Variants in KLHDC10 observed in about 807,000 individuals in gnomAD.
KLHDC10 encodes kelch domain-containing protein 10.
KLHDC10 carries 24 observed loss-of-function variants against 56.1 expected under a neutral mutation model. The observed-to-expected ratio is 0.43, with a 90% CI of 0.31 to 0.60. The LOEUF is 0.60. Ranked by LOEUF, KLHDC10 falls within the 20% of genes least tolerant of loss-of-function variation. The probability of loss-of-function intolerance (pLI) is 0.11; values close to 1 mark genes in which losing one functional copy is unlikely to be tolerated. For synonymous variants in KLHDC10, 188 were observed against 207.1 expected (o/e 0.91, Z 0.79); for missense variants, 349 against 567.0 (o/e 0.62, Z 3.91).
chr7:130,102,443 A>T (rs1173904789), intron 2 of KLHDC10, among the ~76,000 whole-genome samples: 1 of 152,216 alleles, frequency 6.6e-6, no homozygotes, highest in Non-Finnish European at 1.5e-5. Context: ...GAGATAATGA[A>T]CAAGTGGAGT....
Position 130,131,219 on chromosome 7 carries a change from G to C in KLHDC10, c.*473G>C, listed in dbSNP as rs1211932446. On this transcript the variant is annotated 3_prime_UTR_variant, in exon 10 of 10. Transcript: ENST00000335420. The stretch of plus-strand genomic sequence containing the variant: ...TGAGAAGGCTAACCTTGGGAATCTT[G>C]CAGGTTATACTTAAACCTAGATGTT... 1.2e-5 allele frequency: 2 copies of C among 160,646 alleles called. No homozygotes were observed. The highest frequency in any genetic ancestry group is 1.4e-5 in the Non-Finnish European group (1 of 72,244). The allele number at this position is 160,646 out of a possible 1,614,324, so 10.0% of individuals were successfully genotyped here.
chr7:130,095,095 C>G (rs1795830437), intron 1 of KLHDC10, among the ~76,000 whole-genome samples: 1 of 151,900 alleles, frequency 6.6e-6, no homozygotes, highest in Non-Finnish European at 1.5e-5. Flanking sequence ...TTTAATGTAT[C>G]CTTTGACAGT....
At chr7:130,117,071 T>G (rs1198018162) in intron 3 of KLHDC10, among the ~76,000 whole-genome samples, 2 of 152,228 alleles carry the variant, frequency 1.3e-5, no homozygotes, top group Non-Finnish European at 2.9e-5. Context: ...ACAACATTTT[T>G]GGTTTCCTAG....
chr7:130,093,366 G>A (rs765885992), intron 1 of KLHDC10, among the ~76,000 whole-genome samples: 9 of 152,036 alleles, frequency 5.9e-5, no homozygotes, highest in Non-Finnish European at 1.3e-4. Flanking sequence ...CAGGACTACA[G>A]GTGCATGACA....
chr7:130,083,603 T>C (rs1316176529), intron 1 of KLHDC10, among the ~76,000 whole-genome samples: 1 of 152,200 alleles, frequency 6.6e-6, no homozygotes, highest in Admixed American at 6.5e-5. Context: ...TTAATCTACA[T>C]AGCATTTTTT....
Position 130,126,839 on chromosome 7 carries a change from G to T in KLHDC10, c.932-565G>T, listed in dbSNP as rs150584000. Among the ~76,000 whole-genome samples the T allele has an allele frequency of 7.2e-3, 1,091 of 151,716 alleles. 18 individuals are homozygous for T. Among genetic ancestry groups the T allele is most frequent in the African/African-American group, 0.025 (1,035 of 41,436 alleles). Reference sequence around the variant, plus strand: ...ATTGGAGCCTAAATAAAGATCTACCGGCTGGGTATGGTGGCTCATGCCTAT... The same window carrying T: ...ATTGGAGCCTAAATAAAGATCTACCTGCTGGGTATGGTGGCTCATGCCTAT... On this transcript the variant is annotated intron_variant, in intron 7 of 9. Coordinates refer to ENST00000335420, the MANE Select transcript of KLHDC10 (RefSeq NM_014997.4).
At chr7:130,126,021 A>T (rs920912656) in intron 7 of KLHDC10, 90 bp downstream of exon 7, 3 of 944,720 alleles carry the variant, frequency 3.2e-6, no homozygotes, top group Non-Finnish European at 4.7e-6. Flanking sequence ...TTACTGAGTT[A>T]TATGTCAAGT....
intron 8 of KLHDC10, among the ~76,000 whole-genome samples, chr7:130,127,921 T>G (rs1191398356): frequency 6.6e-6 from 1 of 152,242 alleles, no homozygotes; most frequent in Non-Finnish European, 1.5e-5. Flanking sequence ...AAAGGCATTG[T>G]ATGGCTTCAG....
chr7:130,085,335 A>G (rs1795672060), intron 1 of KLHDC10, among the ~76,000 whole-genome samples: 3 of 139,992 alleles, frequency 2.1e-5, no homozygotes, highest in East Asian at 2.1e-4. Context: ...TCCATCTCAG[A>G]AAAAAAAAAA....
rs566093030 is a variant in KLHDC10 at position 130,133,373 on chromosome 7, T to C, written c.*2627T>C. On this transcript the variant is annotated 3_prime_UTR_variant, in exon 10 of 10. Coordinates refer to ENST00000335420, the MANE Select transcript of KLHDC10 (RefSeq NM_014997.4). ...AGCCGTCTTACTACAGTCCTGTAAA[T>C]TTAAGTGCAATATATAGAAACATAT... 6.6e-6 allele frequency: 1 copy of C among 152,346 alleles called. No individual in the cohort carries two copies. The highest frequency in any genetic ancestry group is 1.9e-4 in the East Asian group (1 of 5,188). 9.4% of individuals were successfully genotyped at this position (152,346 alleles called of 1,614,324 possible). A position where few individuals can be genotyped will look rare whatever the true frequency, so the allele number is the denominator to read the frequency against.
At chr7:130,100,194 T>C (rs1795910945) in intron 2 of KLHDC10, among the ~76,000 whole-genome samples, 1 of 151,706 alleles carries the variant, frequency 6.6e-6, no homozygotes, top group Non-Finnish European at 1.5e-5. Context: ...GGATAATAAA[T>C]TCAGTTTAGT....
chr7:130,114,304 G>A (rs1402553811), intron 2 of KLHDC10, among the ~76,000 whole-genome samples: 19 of 152,172 alleles, frequency 1.2e-4, no homozygotes, highest in Admixed American at 1.2e-3. Flanking sequence ...AGTGTTTGCT[G>A]TGTGCCCGAG....
chr7:130,092,131 A>G (rs146638001), intron 1 of KLHDC10, among the ~76,000 whole-genome samples: 71 of 152,326 alleles, frequency 4.7e-4, no homozygotes, highest in Non-Finnish European at 8.2e-4. Flanking sequence ...TTTAATCTGT[A>G]TGTCCATCCA....
At position 130,131,288 on chromosome 7, in the gene KLHDC10, G is replaced by A. The variant is rs147016223; in HGVS notation, c.*542G>A. 511 of 154,704 alleles carry A rather than the reference G, an allele frequency of 3.3e-3. 2 individuals are homozygous for A. Among genetic ancestry groups the A allele is most frequent in the African/African-American group, 0.011 (470 of 41,550 alleles). The allele number at this position is 154,704 out of a possible 1,614,324, so 9.6% of individuals were successfully genotyped here. A position where few individuals can be genotyped will look rare whatever the true frequency, so the allele number is the denominator to read the frequency against. ...ATGTGTCTAACTGAGTAGTAGCTGG[G>A]TCTGATGGCAGCAGTGCTTGCCATC... On this transcript the variant is annotated 3_prime_UTR_variant, in exon 10 of 10. Coordinates refer to ENST00000335420, the MANE Select transcript of KLHDC10 (RefSeq NM_014997.4).
chr7:130,109,675 G>A (rs532764696), intron 2 of KLHDC10, among the ~76,000 whole-genome samples: 1 of 152,302 alleles, frequency 6.6e-6, no homozygotes, highest in African/African-American at 2.4e-5. Flanking sequence ...GTCTCACTCT[G>A]TTGCCCAGGC....
At chr7:130,079,928 C>T (rs989709487) in intron 1 of KLHDC10, among the ~76,000 whole-genome samples, 6 of 69,326 alleles carry the variant, frequency 8.7e-5, no homozygotes, top group African/African-American at 1.6e-4. Context: ...CTCCCTTTCT[C>T]GCTTCCTCCT....
At chr7:130,113,953 T>C (rs1469959281) in intron 2 of KLHDC10, among the ~76,000 whole-genome samples, 1 of 152,208 alleles carries the variant, frequency 6.6e-6, no homozygotes, top group Non-Finnish European at 1.5e-5. Flanking sequence ...TGCTAATTCT[T>C]AGAAAGAAGC....
intron 2 of KLHDC10, among the ~76,000 whole-genome samples, chr7:130,103,502 A>G (rs1795964437): frequency 6.6e-6 from 1 of 152,178 alleles, no homozygotes; most frequent in South Asian, 2.1e-4. Flanking sequence ...AAAAATGCAA[A>G]AACAAACCAA....
Position 130,130,588 on chromosome 7 carries a change from C to A in KLHDC10, c.1171C>A (p.Arg391=). 1 of 1,614,032 alleles carries A rather than the reference C, an allele frequency of 6.2e-7. No individual in the cohort carries two copies. The highest frequency in any genetic ancestry group is 8.5e-7 in the Non-Finnish European group (1 of 1,180,008). ...GGVVNIHENK[R]TGSLFKIWLV... ...AGTGGTGAACATCCATGAAAACAAA[C>A]GGACTGGGTCATTGTTTAAGATCTG... The change falls in exon 10 of 10, where the codon CGG becomes AGG. Residue 391 remains arginine (R), a synonymous_variant. Transcript: ENST00000335420. The surrounding 1 kb of genome is among the most constrained non-coding windows in gnomAD (Gnocchi z 4.2).
Sources: allele counts gnomAD v4.1 joint callset (sites outside exome capture counted in the v4.1 genomes callset), GRCh38; gene constraint gnomAD v4.1.1; non-coding constraint Gnocchi (gnomAD v3.1); transcripts MANE v1.5; gene names NCBI Gene and HGNC (gene_info 2026-07-23, HGNC 2026-07-21).